Variants in FBN3 observed in about 807,000 individuals in gnomAD.
The protein encoded by FBN3 is fibrillin-3.
Under a neutral mutation model 330.1 loss-of-function variants are expected in FBN3, and 234 were observed. The observed-to-expected ratio is 0.71, with a 90% CI of 0.64 to 0.79. The LOEUF is 0.79. Among genes scored for constraint, FBN3 ranks in the 30% least tolerant of loss-of-function variants. FBN3 has a pLI of 0.00. For synonymous variants in FBN3, 1,458 were observed against 1,517.3 expected, an observed-to-expected ratio of 0.96 and a Z score of 0.91; for missense variants, 3,606 against 3,886.9, an observed-to-expected ratio of 0.93 and a Z score of 1.92.
intron 22 of FBN3, 47 bp downstream of exon 22, chr19:8,125,845 C>A: frequency 6.5e-7 from 1 of 1,546,894 alleles, no homozygotes; most frequent in Non-Finnish European, 8.7e-7. Flanking sequence ...GTGGAGGGAA[C>A]AAAGGAAGAA....
chr19:8,101,514 G>T (rs925329101), intron 40 of FBN3, among the ~76,000 whole-genome samples: 2 of 152,102 alleles, frequency 1.3e-5, no homozygotes, highest in Non-Finnish European at 2.9e-5. Flanking sequence ...TGCCTAGAAC[G>T]CCTTCCCTCA....
intron 59 of FBN3, among the ~76,000 whole-genome samples, chr19:8,078,326 A>G (rs965662513): frequency 6.5e-4 from 99 of 152,184 alleles, no homozygotes; most frequent in African/African-American, 2.3e-3. Context: ...TGATGCTAGC[A>G]TGGTAGAGTC....
intron 38 of FBN3, among the ~76,000 whole-genome samples, chr19:8,105,205 G>A (rs1599353000): frequency 6.6e-6 from 1 of 151,170 alleles, no homozygotes; most frequent in African/African-American, 2.4e-5. Flanking sequence ...TGCCCACCTC[G>A]GCCTCCCAAA....
At position 8,149,006 on chromosome 19, in the gene FBN3, C is replaced by T. The variant is rs2145086078; in HGVS notation, c.-18+443G>A. ...ATTTGCCTCGGTCCCCCCTACACACCGCTGCTTCTGCGAGCCACACCCTGG... is the reference window on the plus strand; with the variant it reads ...ATTTGCCTCGGTCCCCCCTACACACTGCTGCTTCTGCGAGCCACACCCTGG... On this transcript the variant is annotated intron_variant, in intron 1 of 63. Coordinates refer to ENST00000600128, the MANE Select transcript of FBN3 (RefSeq NM_032447.5). This position sits in a 1 kb window ranked among gnomAD's most constrained non-coding sequence, Gnocchi z 5.5. 2.0e-5 allele frequency: 3 copies of T among 152,510 alleles called. No homozygotes were observed. The East Asian group carries it at 5.8e-4, about 29-fold the overall frequency. 9.4% of individuals were successfully genotyped at this position (152,510 alleles called of 1,614,324 possible). A position where few individuals can be genotyped will look rare whatever the true frequency, so the allele number is the denominator to read the frequency against.
In FBN3 at chr19:8,081,481, C is replaced by A; in HGVS notation, c.7214-1G>T. On this transcript the variant is annotated splice_acceptor_variant, in intron 57 of 63. Coordinates refer to ENST00000600128, the MANE Select transcript of FBN3 (RefSeq NM_032447.5). LOFTEE classifies it high-confidence loss of function. ...GGGACCTGGCTGCACTCATCCATAT[C>A]TGGGGAAGGACAGCGTGGGTAGTGG... The A allele has an allele frequency of 1.2e-6, 2 of 1,601,704 alleles. No individual in the cohort carries two copies. Among genetic ancestry groups the A allele is most frequent in the Non-Finnish European group, 1.7e-6 (2 of 1,174,744 alleles).
In FBN3 at chr19:8,096,096, C is replaced by T. The variant is rs376807096; in HGVS notation, c.5540-16G>A. On this transcript the variant is annotated splice_polypyrimidine_tract_variant and intron_variant, in intron 44 of 63. Transcript: ENST00000600128. This position sits in a 1 kb window ranked among gnomAD's most constrained non-coding sequence, Gnocchi z 4.6. Reference sequence around the variant, plus strand: ...TCGTCAATGTCTGCAGAAGCAAAGCCGAGAGCCCAACCCAGCTCACCCAGG... The same window carrying T: ...TCGTCAATGTCTGCAGAAGCAAAGCTGAGAGCCCAACCCAGCTCACCCAGG... 2.6e-5 allele frequency: 41 copies of T among 1,598,884 alleles called. No individual in the cohort carries two copies. Among genetic ancestry groups the T allele is most frequent in the African/African-American group, 4.0e-5 (3 of 74,690 alleles).
At chr19:8,107,182 G>A (rs1189089493) in intron 37 of FBN3, among the ~76,000 whole-genome samples, 1 of 149,686 alleles carries the variant, frequency 6.7e-6, no homozygotes, top group Admixed American at 6.7e-5. Context: ...ATAGTTGGAT[G>A]GAAGGAAGGA....
At chr19:8,124,119 G>T in intron 22 of FBN3, 111 bp from the exon 23 acceptor site, 3 of 892,432 alleles carry the variant, frequency 3.4e-6, no homozygotes, top group Non-Finnish European at 5.3e-6. Context: ...ACGTAGTCAG[G>T]TCGAGGGCCA....
rs777143813 is a variant in FBN3, at chr19:8,129,385, T to G, written c.2045-20A>C. On this transcript the variant is annotated intron_variant, in intron 16 of 63. Transcript: ENST00000600128. This position sits in a 1 kb window ranked among gnomAD's most constrained non-coding sequence, Gnocchi z 4.5. ...TGATGTCTGCGGCAGGAGGAGGGTG[T>G]GTCAGCAGCAGCAGAAGGAGGGTGT... 1.2e-6 allele frequency: 2 copies of G among 1,612,600 alleles called. No individual in the cohort carries two copies. The highest frequency in any genetic ancestry group is 3.3e-5 in the Admixed American group (2 of 59,926).
In FBN3 at chr19:8,147,332, C is replaced by A; in HGVS notation, c.149G>T (p.Ser50Ile). Residue 50 changes from serine (S) to isoleucine (I), a missense_variant, in exon 2 of 64, where the codon AGC (serine) becomes ATC (isoleucine). Physicochemically the swap from Ser to Ile is moderately radical, Grantham distance 142. Transcript: ENST00000600128. ...CACGCACCCCTGCAAGATGCCTGGG[C>A]TGCCCCGCCTCCGCACACGTCCAGG... ...AGPGRVRRRGSPGILQGPNVC... is the reference protein window; with the variant it reads ...AGPGRVRRRGIPGILQGPNVC... The A allele has an allele frequency of 6.3e-7, 1 of 1,597,052 alleles. No individual in the cohort carries two copies. The highest frequency in any genetic ancestry group is 8.5e-7 in the Non-Finnish European group (1 of 1,173,970).
At chr19:8,147,054 G>A (rs149892031) in intron 3 of FBN3, 50 bp downstream of exon 3, 6 of 1,482,652 alleles carry the variant, frequency 4.0e-6, no homozygotes, top group Admixed American at 2.0e-5. Context: ...AGGCAGGTAA[G>A]AGTGTCCCCG....
At position 8,069,925 on chromosome 19, in the gene FBN3, G is replaced by A. The variant is rs187855231; in HGVS notation, c.8088+2123C>T. The stretch of plus-strand genomic sequence containing the variant: ...TTGAGACCAGCCTGGCCAACATGGC[G>A]AAACCCCATCTCTACTAAAAATACA... On this transcript the variant is annotated intron_variant, in intron 63 of 63. Coordinates refer to ENST00000600128, the MANE Select transcript of FBN3 (RefSeq NM_032447.5). 3.2e-4 allele frequency among the ~76,000 whole-genome samples: 49 copies of A among 152,252 alleles called. No individual in the cohort carries two copies. In the East Asian group the frequency reaches 7.9e-3, roughly 25 times the overall value.
intron 30 of FBN3, among the ~76,000 whole-genome samples, chr19:8,114,237 T>C (rs964268698): frequency 1.5e-5 from 2 of 137,538 alleles, no homozygotes; most frequent in African/African-American, 2.5e-5. Context: ...AGAATCAATT[T>C]CTTTTTAATT....
At position 8,102,782 on chromosome 19, in the gene FBN3, G is replaced by A. The variant is rs759773079; in HGVS notation, c.5031C>T (p.Ser1677=). ...TATTCCAGGCCTGGCCAATGTTGTAGGAGCAGCAACACATTTTCCGGGTCA... is the reference window on the plus strand; with the variant it reads ...TATTCCAGGCCTGGCCAATGTTGTAAGAGCAGCAACACATTTTCCGGGTCA... ...FNVTRKMCCC[S]YNIGQAWNRP... The change falls in exon 40 of 64, where the codon TCC becomes TCT. Residue 1677 remains serine, a synonymous_variant. Transcript: ENST00000600128. 1 of 1,614,108 alleles carries A rather than the reference G, an allele frequency of 6.2e-7. No individual in the cohort carries two copies. The highest frequency in any genetic ancestry group is 1.1e-5 in the South Asian group (1 of 91,068).
chr19:8,120,378 C>G (rs998343699), intron 25 of FBN3, among the ~76,000 whole-genome samples: 1 of 151,894 alleles, frequency 6.6e-6, no homozygotes, highest in Non-Finnish European at 1.5e-5. Flanking sequence ...CCATGTTGCC[C>G]AGGCTGGTTT....
At chr19:8,115,677 T>G in intron 29 of FBN3, 37 bp from the exon 30 acceptor site, 1 of 1,608,712 alleles carries the variant, frequency 6.2e-7, no homozygotes, top group Non-Finnish European at 8.5e-7. Context: ...GAGGACTGGG[T>G]GCAGGGGTGA....
rs1372984733 is a variant in FBN3, at chr19:8,111,176, A to T, written c.4092T>A (p.Asp1364Glu). The part of the protein sequence containing the change: ...AGDGFFCEDR[D>E]ECAENVDLCD... ...AGAGGTCCACGTTCTCGGCACATTCATCCCTGTCTGAGGGGCCCCAAGATT... is the reference window on the plus strand; with the variant it reads ...AGAGGTCCACGTTCTCGGCACATTCTTCCCTGTCTGAGGGGCCCCAAGATT... The change falls in exon 33 of 64, where the codon GAT (aspartate) becomes GAA (glutamate). Residue 1364 changes from aspartate (D) to glutamate (E), a missense_variant. Transcript: ENST00000600128. The T allele has an allele frequency of 6.3e-7, 1 of 1,598,782 alleles. No individual in the cohort carries two copies. Among genetic ancestry groups the T allele is most frequent in the Non-Finnish European group, 8.5e-7 (1 of 1,171,924 alleles).
Position 8,117,197 on chromosome 19 carries a change from C to A in FBN3, c.3558G>T (p.Ser1186=), listed in dbSNP as rs140196076. 1 of 1,614,090 alleles carries A rather than the reference C, an allele frequency of 6.2e-7. No individual in the cohort carries two copies. Among genetic ancestry groups the A allele is most frequent in the Non-Finnish European group, 8.5e-7 (1 of 1,179,990 alleles). ...SYRCSCGQGY[S]LMPDGRACAD... ...CACATGCCCTTCCGTCGGGCATCAGCGAGTAGCCCTGCCCACAGCTGCACC... is the reference window on the plus strand; with the variant it reads ...CACATGCCCTTCCGTCGGGCATCAGAGAGTAGCCCTGCCCACAGCTGCACC... Residue 1186 remains serine (S), a synonymous_variant, in exon 28 of 64, where the codon TCG becomes TCT. Coordinates refer to ENST00000600128, the MANE Select transcript of FBN3 (RefSeq NM_032447.5).
At position 8,121,874 on chromosome 19, in the gene FBN3, C is replaced by T. The variant is rs564184805; in HGVS notation, c.3083-488G>A. On this transcript the variant is annotated intron_variant, in intron 24 of 63. Transcript: ENST00000600128. The surrounding 1 kb of genome is among the most constrained non-coding windows in gnomAD (Gnocchi z 4.5). ...AAGCGATTCTCCTGCCTCAGCCTCC[C>T]GAGTAGCTGGGATTACAGGTGTGTG... Among the ~76,000 whole-genome samples the T allele has an allele frequency of 1.3e-5, 2 of 152,116 alleles. No homozygotes were observed. The highest frequency in any genetic ancestry group is 4.8e-5 in the African/African-American group (2 of 41,506).
Sources: gnomAD v4.1 joint callset for allele counts (sites outside exome capture counted in the v4.1 genomes callset) on GRCh38, gnomAD v4.1.1 for gene constraint, Gnocchi (gnomAD v3.1) non-coding constraint, MANE v1.5 for transcripts, NCBI Gene and HGNC (gene_info 2026-07-23, HGNC 2026-07-21) for gene names.